SYNPR: variants seen among roughly 807,000 people sequenced by gnomAD.
SYNPR encodes the protein synaptoporin.
In SYNPR, 23 loss-of-function variants were observed where a neutral mutation model predicts 32.9. That is an observed-to-expected ratio of 0.70 (90% confidence interval 0.50 to 0.99). The LOEUF is 0.99. Ranked by LOEUF, SYNPR falls within the 50% of genes least tolerant of loss-of-function variation. The pLI is 0.00. For missense variants in SYNPR, 318 were observed against 349.3 expected, an observed-to-expected ratio of 0.91 and a Z score of 0.71; for synonymous variants, 146 against 135.9, an observed-to-expected ratio of 1.07 and a Z score of -0.52.
chr3:63,219,275 A>T, the SYNPR span, among the ~76,000 whole-genome samples: 2 of 152,200 alleles, frequency 1.3e-5, no homozygotes, highest in Admixed American at 1.3e-4. Flanking sequence ...TGCGAGCAGG[A>T]AAAGATTTTG....
At chr3:63,300,501 A>G (rs555572295) in intron 2 of SYNPR, among the ~76,000 whole-genome samples, 1 of 152,180 alleles carries the variant, frequency 6.6e-6, no homozygotes, top group East Asian at 1.9e-4. Flanking sequence ...CCCTGCTCAG[A>G]TCCTTTTACT....
At chr3:63,566,626 A>C (rs1293997093) in intron 4 of SYNPR, among the ~76,000 whole-genome samples, 1 of 152,118 alleles carries the variant, frequency 6.6e-6, no homozygotes, top group African/African-American at 2.4e-5. Context: ...GAGGGGTTAT[A>C]ATTTTGGGCT....
At chr3:63,607,470 G>C (rs1387957983) in intron 4 of SYNPR, among the ~76,000 whole-genome samples, 7 of 152,030 alleles carry the variant, frequency 4.6e-5, no homozygotes, top group African/African-American at 1.7e-4. Flanking sequence ...TATTGTATTT[G>C]TTTGCTTGTT....
In SYNPR at chr3:63,236,867, C is replaced by A. The variant is rs2086204145; in HGVS notation, n.66+8487C>A. ...TGCCTTTCATTTCTTTTTCTTGCCT[C>A]ATTTCAGAGGCTAGAATTTCCAATA... On this transcript the variant is annotated intron_variant and non_coding_transcript_variant, in intron 1 of 4. Coordinates refer to the SYNPR transcript ENST00000478456. Among the ~76,000 whole-genome samples the A allele has an allele frequency of 3.3e-5, 5 of 152,040 alleles. No homozygotes were observed. The South Asian group carries it at 8.3e-4, about 25-fold the overall frequency.
At chr3:63,489,881 T>C (rs1270138928) in intron 3 of SYNPR, among the ~76,000 whole-genome samples, 1 of 152,106 alleles carries the variant, frequency 6.6e-6, no homozygotes, top group Non-Finnish European at 1.5e-5. Context: ...GAGAAAAGCA[T>C]GGGCATGGCC....
chr3:63,438,131 T>C (rs1312189541), intron 2 of SYNPR, among the ~76,000 whole-genome samples: 1 of 152,222 alleles, frequency 6.6e-6, no homozygotes, highest in African/African-American at 2.4e-5. Flanking sequence ...TAGTAAGATA[T>C]TGTGTCTTTG....
chr3:63,321,026 A>T (rs1464643921), intron 2 of SYNPR, among the ~76,000 whole-genome samples: 1 of 152,082 alleles, frequency 6.6e-6, no homozygotes, highest in African/African-American at 2.4e-5. Flanking sequence ...AAGGACAACA[A>T]GGAGCATTCA....
At chr3:63,462,249 C>T (rs1700597189) in intron 2 of SYNPR, among the ~76,000 whole-genome samples, 2 of 152,052 alleles carry the variant, frequency 1.3e-5, no homozygotes, top group Admixed American at 1.3e-4. Flanking sequence ...CTGAGAAGAC[C>T]CCACTGTTGT....
chr3:63,576,520 G>A (rs773175032), intron 4 of SYNPR, among the ~76,000 whole-genome samples: 5 of 152,000 alleles, frequency 3.3e-5, no homozygotes, highest in African/African-American at 7.2e-5. Context: ...GGCTGGGCGC[G>A]GTGACTCACA....
chr3:63,327,902 GTATGTAATA>G (rs989434110), intron 2 of SYNPR, among the ~76,000 whole-genome samples: 18 of 152,040 alleles, frequency 1.2e-4, no homozygotes, highest in Admixed American at 1.0e-3. Context: ...TTTTCTGCAT[GTATGTAATA>G]TATCAAGAAA....
chr3:63,452,132 A>G, intron 2 of SYNPR: 1 of 701,822 alleles, frequency 1.4e-6, no homozygotes, highest in East Asian at 2.7e-5. Context: ...ATGTTTTCTT[A>G]TTTGCTCACT....
At chr3:63,418,698 G>C (rs148216992) in intron 2 of SYNPR, among the ~76,000 whole-genome samples, 221 of 152,264 alleles carry the variant, frequency 1.5e-3, no homozygotes, top group African/African-American at 5.1e-3. Context: ...TTGCAGGCAA[G>C]CTCTCCCTTA....
At chr3:63,360,601 C>T (rs1339989673) in intron 2 of SYNPR, among the ~76,000 whole-genome samples, 1 of 152,196 alleles carries the variant, frequency 6.6e-6, no homozygotes, top group East Asian at 1.9e-4. Context: ...CCTTACGTAG[C>T]ATTCCACCCC....
Position 63,556,530 on chromosome 3 carries a change from T to C in SYNPR, c.210-13T>C. 2 of 1,601,790 alleles carry C rather than the reference T, an allele frequency of 1.2e-6. No homozygotes were observed. Among genetic ancestry groups the C allele is most frequent in the Non-Finnish European group, 1.7e-6 (2 of 1,173,580 alleles). ...TGCATTTAAAGAATGTCTCCTTAAA[T>C]CTGGCAATTTAGGTTGCACCAGGTG... is the stretch of plus-strand genomic sequence containing the variant. On this transcript the variant is annotated splice_polypyrimidine_tract_variant and intron_variant, in intron 3 of 5. Transcript: ENST00000478300.
At chr3:63,275,359 G>T (rs2086564556), upstream of SYNPR, among the ~76,000 whole-genome samples, 1 of 152,192 alleles carries the variant, frequency 6.6e-6, no homozygotes, top group Non-Finnish European at 1.5e-5. Context: ...TGATGCAGCT[G>T]TTGGAAGCTC....
chr3:63,219,057 T>C, the SYNPR span, among the ~76,000 whole-genome samples: 119,729 of 152,142 alleles, frequency 0.79, 47,653 homozygotes, highest in Middle Eastern at 0.87. Flanking sequence ...ATAAGATATT[T>C]GCCTAAAATT....
intron 2 of SYNPR, among the ~76,000 whole-genome samples, chr3:63,412,127 G>A (rs1226912674): frequency 6.6e-6 from 1 of 152,074 alleles, no homozygotes; most frequent in Non-Finnish European, 1.5e-5. Flanking sequence ...TAGAATGGGT[G>A]GTGACTGGCT....
rs202159471 is a variant in SYNPR, at chr3:63,334,913, G to A, written c.84+56171G>A. Among the ~76,000 whole-genome samples, 4 of 152,278 alleles carry A rather than the reference G, an allele frequency of 2.6e-5. No homozygotes were observed. In the East Asian group the frequency reaches 5.8e-4, roughly 22 times the overall value. On this transcript the variant is annotated intron_variant, in intron 2 of 5. Coordinates refer to ENST00000478300, the MANE Select transcript of SYNPR (RefSeq NM_001130003.2). ...CTTTTAAAACCTGATACTGGAAGAAGGCTTAATTACAGAATAGGAATGAGC... is the reference window on the plus strand; with the variant it reads ...CTTTTAAAACCTGATACTGGAAGAAAGCTTAATTACAGAATAGGAATGAGC...
intron 2 of SYNPR, among the ~76,000 whole-genome samples, chr3:63,456,527 T>C (rs1295252259): frequency 6.6e-6 from 1 of 152,096 alleles, no homozygotes; most frequent in Non-Finnish European, 1.5e-5. Flanking sequence ...AATTTAATCA[T>C]TGAATTCTCA....
Sources: allele counts gnomAD v4.1 joint callset (sites outside exome capture counted in the v4.1 genomes callset), GRCh38; gene constraint gnomAD v4.1.1; transcripts MANE v1.5; gene names NCBI Gene and HGNC (gene_info 2026-07-23, HGNC 2026-07-21).